Variants in DOCK7 observed in about 807,000 individuals in gnomAD.
DOCK7 encodes dedicator of cytokinesis 7, also known as dedicator of cytokinesis protein 7.
A neutral mutation model predicts 271.0 loss-of-function variants in DOCK7; 138 were observed. The observed-to-expected ratio is 0.51, with a 90% confidence interval of 0.44 to 0.59. DOCK7 has a LOEUF of 0.59. DOCK7 is among the 20% of genes least tolerant of loss of function. The probability of loss-of-function intolerance (pLI) is 0.00; values close to 1 mark genes in which losing one functional copy is unlikely to be tolerated. For missense variants in DOCK7, 2,066 were observed against 2,592.4 expected, an observed-to-expected ratio of 0.80 and a Z score of 4.41; for synonymous variants, 823 against 876.1, an observed-to-expected ratio of 0.94 and a Z score of 1.07.
chr1:62,589,322 T>C (rs1408286760), intron 14 of DOCK7, among the ~76,000 whole-genome samples: 6 of 152,224 alleles, frequency 3.9e-5, no homozygotes, highest in Non-Finnish European at 7.3e-5. Flanking sequence ...ACATATTTGA[T>C]GAGTCTCAGT....
intron 48 of DOCK7, among the ~76,000 whole-genome samples, chr1:62,473,769 G>A (rs1571215671): frequency 3.9e-5 from 6 of 151,988 alleles, no homozygotes; most frequent in Admixed American, 3.9e-4. Flanking sequence ...TTTTTTCGTA[G>A]AGATGGGGTC....
chr1:62,492,663 G>C, intron 41 of DOCK7, 41 bp downstream of exon 41: 1 of 1,608,782 alleles, frequency 6.2e-7, no homozygotes, highest in Non-Finnish European at 8.5e-7. Flanking sequence ...GATAATTAGA[G>C]GTATGAAACT....
chr1:62,659,460 C>G (rs1448210270), intron 2 of DOCK7, among the ~76,000 whole-genome samples: 1 of 149,868 alleles, frequency 6.7e-6, no homozygotes, highest in East Asian at 1.9e-4. Context: ...TTAGGTAACC[C>G]CAGAGAAGTA....
intron 18 of DOCK7, among the ~76,000 whole-genome samples, chr1:62,573,433 A>G (rs557038080): frequency 6.6e-6 from 1 of 152,370 alleles, no homozygotes; most frequent in South Asian, 2.1e-4. Flanking sequence ...AAGCAATAGA[A>G]TGAAACCACC....
chr1:62,489,753 C>T (rs993651080), intron 41 of DOCK7, among the ~76,000 whole-genome samples: 43 of 152,080 alleles, frequency 2.8e-4, no homozygotes, highest in Non-Finnish European at 1.5e-4. Flanking sequence ...TAATCTTTTG[C>T]AAAAACTAAT....
chr1:62,612,849 G>C (rs1460334131), intron 14 of DOCK7, among the ~76,000 whole-genome samples: 1 of 152,106 alleles, frequency 6.6e-6, no homozygotes, highest in Non-Finnish European at 1.5e-5. Flanking sequence ...AAAATACTAA[G>C]TAGAAAAACA....
At chr1:62,599,958 CAG>C (rs1381110119) in intron 14 of DOCK7, among the ~76,000 whole-genome samples, 5 of 151,890 alleles carry the variant, frequency 3.3e-5, no homozygotes, top group African/African-American at 9.7e-5. Flanking sequence ...AATATAAACT[CAG>C]AGAAACTGGT....
chr1:62,476,971 C>T (rs1000936873), intron 44 of DOCK7: 17 of 152,116 alleles, frequency 1.1e-4, no homozygotes, highest in African/African-American at 4.1e-4. Context: ...TAAAAACAAG[C>T]CCAGAGCACT....
chr1:62,454,853 G>A lies in DOCK7; in HGVS notation c.*561C>T, dbSNP rs1645304452. The A allele has an allele frequency of 4.6e-6, 1 of 216,748 alleles. No individual in the cohort carries two copies. Among genetic ancestry groups the A allele is most frequent in the African/African-American group, 2.2e-5 (1 of 44,558 alleles). 13.4% of individuals were successfully genotyped at this position (216,748 alleles called of 1,614,324 possible). On this transcript the variant is annotated 3_prime_UTR_variant, in exon 50 of 50. Coordinates refer to ENST00000635253, the MANE Select transcript of DOCK7 (RefSeq NM_001367561.1). ...AATTCTAAATTCCTGTTTTGGGTAT[G>A]TAAATGGAAAATAACTTTGAAACAG...
chr1:62,642,298 T>C (rs542812833), intron 7 of DOCK7, among the ~76,000 whole-genome samples: 7 of 152,072 alleles, frequency 4.6e-5, no homozygotes, highest in East Asian at 1.9e-4. Flanking sequence ...TTAGTGGAGA[T>C]GGGTTTTACC....
chr1:62,468,191 T>C (rs1645731615), intron 48 of DOCK7, among the ~76,000 whole-genome samples: 1 of 151,644 alleles, frequency 6.6e-6, no homozygotes, highest in Non-Finnish European at 1.5e-5. Context: ...TGAAACCCTG[T>C]CTCTAATAAA....
chr1:62,631,131 G>C, intron 11 of DOCK7, 109 bp downstream of exon 11: 1 of 971,710 alleles, frequency 1.0e-6, no homozygotes, highest in East Asian at 2.9e-5. Context: ...GTTGCAGTGA[G>C]CCAAGATCGT....
intron 17 of DOCK7, among the ~76,000 whole-genome samples, chr1:62,577,805 A>G (rs1299154911): frequency 6.6e-6 from 1 of 152,260 alleles, no homozygotes; most frequent in Non-Finnish European, 1.5e-5. Flanking sequence ...AGACAAAAAT[A>G]ATGAATCAAA....
intron 29 of DOCK7, among the ~76,000 whole-genome samples, chr1:62,533,193 A>C (rs1034634236): frequency 1.3e-5 from 2 of 152,046 alleles, no homozygotes; most frequent in Admixed American, 6.6e-5. Flanking sequence ...AAAAATAATA[A>C]ATAATAAATA....
intron 12 of DOCK7, among the ~76,000 whole-genome samples, chr1:62,623,643 G>T (rs933661064): frequency 2.6e-5 from 4 of 152,128 alleles, no homozygotes; most frequent in African/African-American, 9.7e-5. Flanking sequence ...GAAAGAGGGG[G>T]AAGTAACATA....
chr1:62,535,190 T>C (rs1450307501), intron 29 of DOCK7, among the ~76,000 whole-genome samples: 4 of 152,200 alleles, frequency 2.6e-5, no homozygotes, highest in African/African-American at 4.8e-5. Context: ...AAAATCTATC[T>C]ACTAATATGC....
chr1:62,635,670 A>G (rs1378843326), intron 8 of DOCK7: 3 of 152,228 alleles, frequency 2.0e-5, no homozygotes, highest in African/African-American at 7.2e-5. Flanking sequence ...AAGTTGCTAG[A>G]GCAGAATTCC....
chr1:62,459,048 A>C (rs1645435409), intron 48 of DOCK7: 1 of 152,202 alleles, frequency 6.6e-6, no homozygotes, highest in Non-Finnish European at 1.5e-5. Flanking sequence ...AGCAACTTAA[A>C]GTATTAGAAA....
At chr1:62,604,816 G>C in intron 14 of DOCK7, 1 of 1,612,594 alleles carries the variant, frequency 6.2e-7, no homozygotes, top group South Asian at 1.1e-5. Context: ...AGCTTTGAAT[G>C]AACTGAGGCA....
Sources: gnomAD v4.1 joint callset for allele counts (sites outside exome capture counted in the v4.1 genomes callset) on GRCh38, gnomAD v4.1.1 for gene constraint, MANE v1.5 for transcripts, NCBI Gene and HGNC (gene_info 2026-07-23, HGNC 2026-07-21) for gene names.